COL14A1: variants seen among roughly 807,000 people sequenced by gnomAD.
COL14A1 encodes collagen alpha-1(XIV) chain.
In COL14A1, 136 loss-of-function variants were observed where a neutral mutation model predicts 230.3. The ratio of observed to expected loss-of-function variants is 0.59; its 90% CI spans 0.51 to 0.68. COL14A1 has a LOEUF of 0.68. Among genes scored for constraint, COL14A1 ranks in the 30% least tolerant of loss-of-function variants. The pLI, the probability that COL14A1 is intolerant of heterozygous loss-of-function variation, is 0.00. For synonymous variants in COL14A1, 792 were observed against 784.1 expected, an observed-to-expected ratio of 1.01 and a Z score of -0.17; for missense variants, 1,976 against 2,215.8, an observed-to-expected ratio of 0.89 and a Z score of 2.17.
intron 34 of COL14A1, among the ~76,000 whole-genome samples, chr8:120,294,160 GA>G (rs35142937): frequency 0.13 from 19,836 of 150,586 alleles, 1,427 homozygotes; most frequent in Non-Finnish European, 0.16. Context: ...AAACATGTTA[GA>G]AAAAAAAATC....
intron 35 of COL14A1, 34 bp downstream of exon 35, chr8:120,297,622 T>A (rs1563724161): frequency 8.0e-7 from 1 of 1,254,672 alleles, no homozygotes; most frequent in Admixed American, 2.9e-5. Context: ...ATTGATTTTT[T>A]AAATTGTATT....
Position 120,313,942 on chromosome 8 carries a change from G to T in COL14A1, c.4466G>T (p.Gly1489Val). ...TCTCTTGCCTTCCAGGGACCAGATGGCCCTCGGGGTGAAATTGGTCTGCCA... is the reference window on the plus strand; with the variant it reads ...TCTCTTGCCTTCCAGGGACCAGATGTCCCTCGGGGTGAAATTGGTCTGCCA... ...QGEPGPKGPD[G>V]PRGEIGLPGP... Residue 1489 changes from glycine to valine, a missense_variant, in exon 38 of 48, where the codon GGC becomes GTC. This residue lies in a region of COL14A1 where 1,791 missense variants were observed against 2,019.5 expected (regional missense o/e 0.89). Transcript: ENST00000297848. 6.2e-7 allele frequency: 1 copy of T among 1,611,462 alleles called. No individual in the cohort carries two copies. The highest frequency in any genetic ancestry group is 1.1e-5 in the South Asian group (1 of 90,592).
At chr8:120,133,958 A>T (rs1428531198) in intron 1 of COL14A1, among the ~76,000 whole-genome samples, 1 of 152,096 alleles carries the variant, frequency 6.6e-6, no homozygotes, top group African/African-American at 2.4e-5. Context: ...CTTTACTATA[A>T]TTAATAAACA....
At chr8:120,249,251 G>A (rs1315305753) in intron 21 of COL14A1, among the ~76,000 whole-genome samples, 3 of 151,764 alleles carry the variant, frequency 2.0e-5, no homozygotes, top group East Asian at 3.9e-4. Context: ...TATGGTTCTC[G>A]CCCCATATCA....
chr8:120,248,770 G>T (rs895411590), intron 21 of COL14A1, among the ~76,000 whole-genome samples: 3 of 152,002 alleles, frequency 2.0e-5, no homozygotes, highest in Admixed American at 1.3e-4. Context: ...TGGGAAAATT[G>T]CCTGAGCCAG....
At chr8:120,241,032 G>A (rs1818592422) in intron 19 of COL14A1, among the ~76,000 whole-genome samples, 1 of 152,138 alleles carries the variant, frequency 6.6e-6, no homozygotes, top group Admixed American at 6.5e-5. Context: ...TAGAGCCTCA[G>A]TGTAAAAATC....
intron 8 of COL14A1, among the ~76,000 whole-genome samples, chr8:120,200,715 T>TTATATATATATATATATATA (rs34177030): frequency 1.2e-5 from 1 of 85,778 alleles, no homozygotes; most frequent in Non-Finnish European, 2.4e-5. Context: ...GTTTTCCTAT[T>TTATATATATATATATATATA]TATATATATA....
chr8:120,165,933 G>A (rs547735185), intron 4 of COL14A1, among the ~76,000 whole-genome samples: 47 of 152,152 alleles, frequency 3.1e-4, no homozygotes, highest in Non-Finnish European at 5.9e-4. Flanking sequence ...GGGTTTCTCT[G>A]AGGAGAGTTT....
chr8:120,345,557 G>C lies in COL14A1; in HGVS notation c.5071G>C (p.Glu1691Gln). 2.6e-6 allele frequency: 4 copies of C among 1,547,516 alleles called. No homozygotes were observed. Among genetic ancestry groups the C allele is most frequent in the Non-Finnish European group, 3.5e-6 (4 of 1,153,912 alleles). Residue 1691 changes from glutamate (E) to glutamine (Q), a missense_variant, in exon 45 of 48, where the codon GAA becomes CAA. Coordinates refer to ENST00000297848, the MANE Select transcript of COL14A1 (RefSeq NM_021110.4). ...GNAGVPGTPG[E>Q]RGLTGIKGEK... ...TGCAGGCGTGCCAGGGACCCCAGGA[G>C]AACGAGGTAAGCTGGGCCCCTTCTC... is the stretch of plus-strand genomic sequence containing the variant.
At chr8:120,366,208 CAAAT>C (rs1239643793) in intron 45 of COL14A1, among the ~76,000 whole-genome samples, 2 of 152,302 alleles carry the variant, frequency 1.3e-5, no homozygotes, top group East Asian at 3.9e-4. Context: ...TTAAAGTAAA[CAAAT>C]AGTTATTTGC....
chr8:120,344,133 A>G (rs534750088), intron 44 of COL14A1, among the ~76,000 whole-genome samples: 6 of 152,230 alleles, frequency 3.9e-5, no homozygotes, highest in Non-Finnish European at 8.8e-5. Context: ...TCTATAAAAT[A>G]GCAAGGCCCT....
intron 33 of COL14A1, among the ~76,000 whole-genome samples, chr8:120,287,020 GA>G (rs1386057253): frequency 6.6e-6 from 1 of 152,136 alleles, no homozygotes; most frequent in Non-Finnish European, 1.5e-5. Context: ...AGGTGGTGTA[GA>G]AAAATGCTTT....
chr8:120,371,036 C>G, intron 47 of COL14A1, 116 bp from the exon 48 acceptor site: 1 of 1,054,624 alleles, frequency 9.5e-7, no homozygotes, highest in South Asian at 1.6e-5. Context: ...ATTAAGACAT[C>G]CACTGCTTTT....
intron 2 of COL14A1, among the ~76,000 whole-genome samples, chr8:120,157,084 G>A (rs1329555681): frequency 2.0e-5 from 3 of 152,268 alleles, no homozygotes; most frequent in Non-Finnish European, 4.4e-5. Flanking sequence ...TGGAACATTT[G>A]TGTAGTGTTC....
At chr8:120,135,683 T>A (rs1365398429) in intron 1 of COL14A1, among the ~76,000 whole-genome samples, 1 of 152,198 alleles carries the variant, frequency 6.6e-6, no homozygotes, top group Admixed American at 6.5e-5. Flanking sequence ...TTGCTTTGAA[T>A]CTATAGATTA....
intron 18 of COL14A1, among the ~76,000 whole-genome samples, chr8:120,229,300 C>A (rs1213472336): frequency 1.5e-5 from 2 of 134,810 alleles, no homozygotes; most frequent in African/African-American, 5.6e-5. Context: ...TCTGATGTTC[C>A]CCTTCCTGTG....
intron 23 of COL14A1, among the ~76,000 whole-genome samples, chr8:120,262,306 C>T (rs1011202326): frequency 3.3e-5 from 5 of 151,970 alleles, no homozygotes; most frequent in African/African-American, 1.2e-4. Context: ...AACTGCATCT[C>T]TATTAAAAAT....
chr8:120,358,139 T>C (rs1179809580), intron 45 of COL14A1, among the ~76,000 whole-genome samples: 1 of 152,204 alleles, frequency 6.6e-6, no homozygotes, highest in Non-Finnish European at 1.5e-5. Flanking sequence ...TTTCTGTAGA[T>C]AAAAAAATTT....
At chr8:120,252,272 T>C (rs1818995359) in intron 22 of COL14A1, among the ~76,000 whole-genome samples, 1 of 152,160 alleles carries the variant, frequency 6.6e-6, no homozygotes, top group Non-Finnish European at 1.5e-5. Flanking sequence ...AATTCTGAGA[T>C]TTTAGTGCAC....
Sources: gnomAD v4.1 joint callset for allele counts (sites outside exome capture counted in the v4.1 genomes callset) on GRCh38, gnomAD v4.1.1 for gene constraint, gnomAD v4.1.1 regional missense constraint, MANE v1.5 for transcripts, NCBI Gene and HGNC (gene_info 2026-07-23, HGNC 2026-07-21) for gene names.